Variants in JAM2 observed in about 807,000 individuals in gnomAD.
JAM2 encodes the protein junctional adhesion molecule 2, also known as junctional adhesion molecule B.
Under a neutral mutation model 42.0 loss-of-function variants are expected in JAM2, and 17 were observed. That is an observed-to-expected ratio of 0.40 (90% CI 0.28 to 0.61). The LOEUF (loss-of-function observed/expected upper bound fraction) is 0.61, where lower values mean the gene tolerates loss of function less well. Among genes scored for constraint, JAM2 ranks in the 20% least tolerant of loss-of-function variants. The pLI is 0.37. For synonymous variants in JAM2, 118 were observed against 128.6 expected (o/e 0.92, Z 0.56); for missense variants, 319 against 358.3 (o/e 0.89, Z 0.89).
Position 25,702,495 on chromosome 21 carries a change from C to CT in JAM2, c.697+233dup, listed in dbSNP as rs902140259. 5.9e-5 allele frequency among the ~76,000 whole-genome samples: 9 copies of CT among 152,276 alleles called. No homozygotes were observed. In the South Asian group the frequency reaches 1.7e-3, roughly 28 times the overall value. On this transcript the variant is annotated intron_variant, in intron 6 of 9. Coordinates refer to ENST00000480456, the MANE Select transcript of JAM2 (RefSeq NM_021219.4). The stretch of plus-strand genomic sequence containing the variant: ...AAATACTTAGTATTGTATTTAACAA[C>CT]TTTTTTTAGTTTTTTAAATAATCGT...
intron 1 of JAM2, among the ~76,000 whole-genome samples, chr21:25,651,132 T>A (rs954477270): frequency 6.9e-6 from 1 of 144,586 alleles, no homozygotes; most frequent in Non-Finnish European, 1.5e-5. Flanking sequence ...ATCAAATGAG[T>A]GTCTGCATGG....
At chr21:25,681,179 A>G (rs1359559528) in intron 1 of JAM2, among the ~76,000 whole-genome samples, 1 of 152,186 alleles carries the variant, frequency 6.6e-6, no homozygotes. Context: ...ATCATGTATA[A>G]TTTTTTGGGT....
intron 1 of JAM2, among the ~76,000 whole-genome samples, chr21:25,641,297 T>C (rs1384570428): frequency 6.6e-6 from 1 of 151,954 alleles, no homozygotes; most frequent in Admixed American, 6.6e-5. Context: ...TAGTGTAGAA[T>C]TGTCACTAAT....
chr21:25,666,448 C>T (rs1399074146), intron 1 of JAM2, among the ~76,000 whole-genome samples: 1 of 152,030 alleles, frequency 6.6e-6, no homozygotes, highest in African/African-American at 2.4e-5. Context: ...CCTCAGCCTC[C>T]TGAGTCGCTG....
chr21:25,644,994 C>T (rs1363434833), intron 1 of JAM2, among the ~76,000 whole-genome samples: 1 of 152,180 alleles, frequency 6.6e-6, no homozygotes, highest in Non-Finnish European at 1.5e-5. Flanking sequence ...AATTCTCCTG[C>T]CTCAGCCTCC....
At chr21:25,661,695 G>C (rs1362850932) in intron 1 of JAM2, among the ~76,000 whole-genome samples, 1 of 151,582 alleles carries the variant, frequency 6.6e-6, no homozygotes, top group Non-Finnish European at 1.5e-5. Flanking sequence ...AATAAAGGAG[G>C]CATCAAAATT....
intron 8 of JAM2, chr21:25,711,283 T>C (rs1286566301): frequency 6.0e-6 from 2 of 333,650 alleles, no homozygotes; most frequent in Non-Finnish European, 1.2e-5. Flanking sequence ...GTAGGAGTCA[T>C]TGGTACATGA....
chr21:25,672,207 C>T (rs1457767006), intron 1 of JAM2, among the ~76,000 whole-genome samples: 2 of 151,826 alleles, frequency 1.3e-5, no homozygotes, highest in African/African-American at 4.8e-5. Context: ...AAATCAGCCT[C>T]CCAAGTAACT....
intron 1 of JAM2, among the ~76,000 whole-genome samples, chr21:25,651,410 C>T (rs2032778700): frequency 6.6e-6 from 1 of 152,144 alleles, no homozygotes; most frequent in Non-Finnish European, 1.5e-5. Context: ...CTTCCCTTAG[C>T]AAAATCACAT....
chr21:25,689,939 T>G lies in JAM2; in HGVS notation c.207T>G (p.Ser69Arg). The change falls in exon 3 of 10, where the codon AGT becomes AGG. Residue 69 changes from serine to arginine, a missense_variant. Transcript: ENST00000480456. Reference protein sequence around the residue: ...SRLEWKKLGRSVSFVYYQQTL... With the variant: ...SRLEWKKLGRRVSFVYYQQTL... ...TAGAGTGGAAGAAACTGGGTCGGAG[T>G]GTCTCCTTTGTCTACTATCAACAGA... The G allele has an allele frequency of 6.2e-7, 1 of 1,613,102 alleles. No individual in the cohort carries two copies. Among genetic ancestry groups the G allele is most frequent in the South Asian group, 1.1e-5 (1 of 91,066 alleles).
chr21:25,664,024 A>G (rs1054809842), intron 1 of JAM2, among the ~76,000 whole-genome samples: 3 of 152,138 alleles, frequency 2.0e-5, no homozygotes, highest in Non-Finnish European at 2.9e-5. Flanking sequence ...TCAAATCTCT[A>G]CAACTTAATG....
intron 6 of JAM2, among the ~76,000 whole-genome samples, chr21:25,705,468 C>A (rs1337214431): frequency 1.3e-5 from 2 of 151,856 alleles, no homozygotes; most frequent in African/African-American, 4.8e-5. Context: ...AAATTCCTAG[C>A]CTCAAGCAGT....
intron 1 of JAM2, among the ~76,000 whole-genome samples, chr21:25,663,407 A>G (rs2033139732): frequency 6.6e-6 from 1 of 152,192 alleles, no homozygotes; most frequent in Admixed American, 6.5e-5. Context: ...TCCTGAATCA[A>G]AGGAAGAGGG....
At chr21:25,678,000 GAGGC>G (rs1343914454) in intron 1 of JAM2, among the ~76,000 whole-genome samples, 3 of 152,076 alleles carry the variant, frequency 2.0e-5, no homozygotes, top group Non-Finnish European at 4.4e-5. Context: ...TTGGCAGGCC[GAGGC>G]AGGTGGATCA....
intron 6 of JAM2, 64 bp downstream of exon 6, chr21:25,702,333 G>A (rs1253102548): frequency 1.0e-6 from 1 of 986,786 alleles, no homozygotes; most frequent in Non-Finnish European, 1.6e-6. Flanking sequence ...CAGCAGTTGG[G>A]GGTACAAGGA....
At chr21:25,678,904 A>T (rs1431676607) in intron 1 of JAM2, among the ~76,000 whole-genome samples, 1 of 152,200 alleles carries the variant, frequency 6.6e-6, no homozygotes, top group African/African-American at 2.4e-5. Flanking sequence ...TGCTCAAGTG[A>T]TCCTCCTGCC....
intron 4 of JAM2, among the ~76,000 whole-genome samples, chr21:25,695,042 G>A (rs1404217577): frequency 5.9e-5 from 9 of 151,300 alleles, no homozygotes; most frequent in African/African-American, 2.2e-4. Flanking sequence ...GGATTTGGCA[G>A]GGTCATAGGA....
intron 3 of JAM2, among the ~76,000 whole-genome samples, chr21:25,692,845 A>T (rs753981064): frequency 3.3e-5 from 5 of 152,182 alleles, no homozygotes; most frequent in African/African-American, 4.8e-5. Context: ...ACATGGCCTT[A>T]TGTCTGCTTA....
intron 7 of JAM2, among the ~76,000 whole-genome samples, chr21:25,708,854 A>G (rs1028749023): frequency 6.6e-5 from 10 of 152,180 alleles, no homozygotes; most frequent in African/African-American, 2.2e-4. Context: ...TTACCTAAGA[A>G]TGTTACTCTG....
Sources: allele counts gnomAD v4.1 joint callset (sites outside exome capture counted in the v4.1 genomes callset), GRCh38; gene constraint gnomAD v4.1.1; transcripts MANE v1.5; gene names NCBI Gene and HGNC (gene_info 2026-07-23, HGNC 2026-07-21).